The following SLC4A5 variants were observed in gnomAD, a reference collection of about 807,000 sequenced individuals.
SLC4A5 encodes solute carrier family 4 member 5, also known as electrogenic sodium bicarbonate cotransporter 4.
Under a neutral mutation model 120.4 loss-of-function variants are expected in SLC4A5, and 96 were observed. The observed-to-expected ratio is 0.80, with a 90% CI of 0.68 to 0.94. The LOEUF is 0.94. SLC4A5 is among the 40% of genes least tolerant of loss of function. SLC4A5 has a pLI of 0.00. For synonymous variants in SLC4A5, 550 were observed against 571.1 expected (o/e 0.96, Z 0.53); for missense variants, 1,259 against 1,459.5 (o/e 0.86, Z 2.24).
intron 25 of SLC4A5, among the ~76,000 whole-genome samples, chr2:74,228,686 A>AC (rs1298821984): frequency 1.3e-5 from 2 of 151,290 alleles, no homozygotes; most frequent in African/African-American, 4.9e-5. Flanking sequence ...CCAAAAAAAA[A>AC]CAGAAATCAT....
chr2:74,338,597 T>C (rs1673551659), intron 3 of SLC4A5, among the ~76,000 whole-genome samples: 1 of 152,076 alleles, frequency 6.6e-6, no homozygotes, highest in African/African-American at 2.4e-5. Context: ...GGTGGGTGGA[T>C]CACTTGAGGC....
intron 6 of SLC4A5, among the ~76,000 whole-genome samples, chr2:74,308,205 A>G (rs904830230): frequency 6.6e-6 from 1 of 152,240 alleles, no homozygotes; most frequent in Non-Finnish European, 1.5e-5. Context: ...GTAGGCTTCT[A>G]TGTGAACATA....
intron 7 of SLC4A5, among the ~76,000 whole-genome samples, chr2:74,286,536 C>T (rs1671989869): frequency 6.6e-6 from 1 of 152,092 alleles, no homozygotes. Context: ...TCCTTCCTTC[C>T]TTACTTTTCT....
intron 4 of SLC4A5, among the ~76,000 whole-genome samples, chr2:74,330,477 G>A (rs377523078): frequency 2.6e-5 from 4 of 151,632 alleles, no homozygotes; most frequent in African/African-American, 9.7e-5. Context: ...ATAGGTGAGG[G>A]TGGTGAGGTG....
intron 5 of SLC4A5, among the ~76,000 whole-genome samples, chr2:74,324,165 T>A (rs1489830102): frequency 6.6e-6 from 1 of 152,214 alleles, no homozygotes; most frequent in Non-Finnish European, 1.5e-5. Flanking sequence ...TCAAAGTGAA[T>A]CATGTTTAAA....
chr2:74,237,691 T>C (rs1363346574), intron 21 of SLC4A5, among the ~76,000 whole-genome samples: 3 of 151,926 alleles, frequency 2.0e-5, no homozygotes, highest in African/African-American at 7.3e-5. Context: ...TGGGAAAGAG[T>C]TGCTTAAATT....
intron 7 of SLC4A5, among the ~76,000 whole-genome samples, chr2:74,287,338 C>T (rs995214528): frequency 6.6e-6 from 1 of 152,010 alleles, no homozygotes; most frequent in Non-Finnish European, 1.5e-5. Flanking sequence ...GATGGCAGCA[C>T]GGAGTGGTAG....
intron 14 of SLC4A5, among the ~76,000 whole-genome samples, chr2:74,254,294 G>A (rs1670888080): frequency 1.3e-5 from 2 of 152,170 alleles, no homozygotes; most frequent in Non-Finnish European, 2.9e-5. Flanking sequence ...TGTTTGGAAT[G>A]CTTGCCTCAC....
chr2:74,317,818 C>T (rs1004786028), intron 5 of SLC4A5, among the ~76,000 whole-genome samples: 6 of 152,180 alleles, frequency 3.9e-5, no homozygotes, highest in Non-Finnish European at 8.8e-5. Flanking sequence ...GACAAAATGG[C>T]AAGGGCTGCA....
chr2:74,263,744 C>A (rs1671212252), intron 10 of SLC4A5, among the ~76,000 whole-genome samples: 1 of 152,220 alleles, frequency 6.6e-6, no homozygotes, highest in African/African-American at 2.4e-5. Flanking sequence ...CTTTCCATAG[C>A]AAGCCATCTC....
chr2:74,245,270 G>T (rs1023606973), intron 19 of SLC4A5, among the ~76,000 whole-genome samples: 4 of 152,160 alleles, frequency 2.6e-5, no homozygotes, highest in African/African-American at 9.7e-5. Flanking sequence ...AGTGAGCCGA[G>T]ATCGCGCCAT....
intron 18 of SLC4A5, 101 bp from the exon 19 acceptor site, chr2:74,247,408 C>A (rs538668788): frequency 3.2e-6 from 4 of 1,242,460 alleles, no homozygotes; most frequent in Non-Finnish European, 4.4e-6. Flanking sequence ...CCTCCTGTGG[C>A]ACTGATGCCC....
exon 10 of SLC4A5, chr2:74,264,173 T>A (rs1225272290): frequency 3.1e-6 from 5 of 1,613,978 alleles, no homozygotes; most frequent in Non-Finnish European, 4.2e-6. Flanking sequence ...CTTCCCAATG[T>A]CAGCTAAGGA....
At chr2:74,300,850 G>A (rs1275947846) in intron 7 of SLC4A5, among the ~76,000 whole-genome samples, 1 of 152,192 alleles carries the variant, frequency 6.6e-6, no homozygotes, top group Non-Finnish European at 1.5e-5. Context: ...AGGATGCCTG[G>A]GCTGGCCTCT....
intron 5 of SLC4A5, among the ~76,000 whole-genome samples, chr2:74,324,844 G>A (rs1219493022): frequency 6.6e-6 from 1 of 152,040 alleles, no homozygotes; most frequent in Non-Finnish European, 1.5e-5. Flanking sequence ...CCTTAACTGG[G>A]CCAATCAGAA....
chr2:74,224,961 T>A, exon 28 of SLC4A5: 3 of 1,614,048 alleles, frequency 1.9e-6, no homozygotes, highest in Non-Finnish European at 2.5e-6. Flanking sequence ...AAAGATGAAA[T>A]CCAGAAGCCT....
At chr2:74,239,886 A>T (rs909075458) in intron 20 of SLC4A5, among the ~76,000 whole-genome samples, 4 of 151,692 alleles carry the variant, frequency 2.6e-5, no homozygotes, top group African/African-American at 9.7e-5. Flanking sequence ...CCCCTCTGTC[A>T]CACCCTTTCA....
chr2:74,258,322 C>G (rs1671032366), intron 12 of SLC4A5, among the ~76,000 whole-genome samples: 1 of 152,246 alleles, frequency 6.6e-6, no homozygotes, highest in South Asian at 2.1e-4. Flanking sequence ...CATCAAGTAT[C>G]AGCAAGGAGA....
At chr2:74,332,727 G>A (rs1009300555) in intron 4 of SLC4A5, among the ~76,000 whole-genome samples, 12 of 151,880 alleles carry the variant, frequency 7.9e-5, no homozygotes, top group South Asian at 2.1e-4. Context: ...GTGTGTGTGC[G>A]TGTGTGTGCG....
Sources: allele counts gnomAD v4.1 joint callset (sites outside exome capture counted in the v4.1 genomes callset), GRCh38; gene constraint gnomAD v4.1.1; transcripts MANE v1.5; gene names NCBI Gene and HGNC (gene_info 2026-07-23, HGNC 2026-07-21).